The following THSD7B variants were observed in gnomAD, a reference collection of about 807,000 sequenced individuals.
THSD7B encodes thrombospondin type-1 domain-containing protein 7B.
In THSD7B, 138 loss-of-function variants were observed where a neutral mutation model predicts 213.6. The ratio of observed to expected loss-of-function variants is 0.65; its 90% CI spans 0.56 to 0.74. The LOEUF is 0.74. THSD7B is among the 30% of genes least tolerant of loss of function. The pLI is 0.00. For synonymous variants in THSD7B, 742 were observed against 687.0 expected, an observed-to-expected ratio of 1.08 and a Z score of -1.25; for missense variants, 1,931 against 1,991.5, an observed-to-expected ratio of 0.97 and a Z score of 0.58.
intron 15 of THSD7B, among the ~76,000 whole-genome samples, chr2:137,533,488 C>G (rs748008134): frequency 6.6e-6 from 1 of 151,832 alleles, no homozygotes. Flanking sequence ...TGACATTTAG[C>G]AAGAAGGTAG....
chr2:137,478,787 G>C (rs765061808), intron 15 of THSD7B, among the ~76,000 whole-genome samples: 8 of 152,236 alleles, frequency 5.3e-5, no homozygotes, highest in African/African-American at 7.2e-5. Flanking sequence ...TTGATCCTGG[G>C]TGCATAGTAT....
intron 12 of THSD7B, among the ~76,000 whole-genome samples, chr2:137,357,411 GTTTT>G (rs570522669): frequency 6.6e-6 from 1 of 151,528 alleles, no homozygotes; most frequent in Admixed American, 6.6e-5. Flanking sequence ...GAGCTTTAGA[GTTTT>G]TTTGTTTGTT....
intron 2 of THSD7B, among the ~76,000 whole-genome samples, chr2:136,954,740 T>TAAAAG (rs773677139): frequency 8.0e-5 from 11 of 137,478 alleles, no homozygotes; most frequent in African/African-American, 3.1e-4. Context: ...AAAAAGAAAT[T>TAAAAG]ACATAAGAGC....
rs531657133 is a variant in THSD7B, at chr2:137,242,378, G to A, written c.2151-79G>A. On this transcript the variant is annotated intron_variant, in intron 9 of 27. Transcript: ENST00000409968. The stretch of plus-strand genomic sequence containing the variant: ...GGAACATGAGGCCCTTAATATTTTC[G>A]GTTCTAAAATCCTATAGTTCTGCGT... The A allele has an allele frequency of 8.6e-5, 93 of 1,080,316 alleles. No individual in the cohort carries two copies. The East Asian group carries it at 1.5e-3, about 18-fold the overall frequency. The allele number at this position is 1,080,316 out of a possible 1,614,324, so 66.9% of individuals were successfully genotyped here. A position where few individuals can be genotyped will look rare whatever the true frequency, so the allele number is the denominator to read the frequency against.
At chr2:137,445,294 TA>T (rs1687514653) in intron 14 of THSD7B, among the ~76,000 whole-genome samples, 1 of 152,046 alleles carries the variant, frequency 6.6e-6, no homozygotes, top group East Asian at 1.9e-4. Flanking sequence ...TATATCAAAG[TA>T]TCAGCACTGC....
At chr2:137,390,072 T>C (rs1385381284) in intron 12 of THSD7B, among the ~76,000 whole-genome samples, 4 of 152,198 alleles carry the variant, frequency 2.6e-5, no homozygotes, top group Admixed American at 6.5e-5. Flanking sequence ...TTACCCTTTC[T>C]ATTTCTGTGA....
chr2:136,816,903 A>G (rs1421487005), intron 1 of THSD7B, among the ~76,000 whole-genome samples: 1 of 152,210 alleles, frequency 6.6e-6, no homozygotes, highest in East Asian at 1.9e-4. Flanking sequence ...TGTGTTAAGA[A>G]AACAGTCATT....
chr2:137,270,468 T>C (rs921933618), intron 10 of THSD7B, among the ~76,000 whole-genome samples: 1 of 152,118 alleles, frequency 6.6e-6, no homozygotes, highest in Non-Finnish European at 1.5e-5. Flanking sequence ...TTCAAAATGA[T>C]AGGAAAGGAA....
intron 14 of THSD7B, among the ~76,000 whole-genome samples, chr2:137,434,942 T>C (rs556317491): frequency 6.6e-6 from 1 of 152,372 alleles, no homozygotes; most frequent in African/African-American, 2.4e-5. Flanking sequence ...AGGCTCATTA[T>C]AGTTCATTGC....
intron 15 of THSD7B, among the ~76,000 whole-genome samples, chr2:137,556,370 A>G (rs1680967464): frequency 1.3e-5 from 2 of 152,170 alleles, no homozygotes; most frequent in African/African-American, 2.4e-5. Context: ...AAGCCAAAAG[A>G]GAGTGGGGGC....
intron 16 of THSD7B, among the ~76,000 whole-genome samples, chr2:137,564,327 C>T (rs550878673): frequency 6.6e-6 from 1 of 152,134 alleles, no homozygotes; most frequent in African/African-American, 2.4e-5. Flanking sequence ...CTATTTATGA[C>T]AGTCTCAATG....
At chr2:137,010,251 G>A (rs1429015844) in intron 2 of THSD7B, among the ~76,000 whole-genome samples, 1 of 152,188 alleles carries the variant, frequency 6.6e-6, no homozygotes, top group African/African-American at 2.4e-5. Context: ...TTGGCACAGT[G>A]AAGATAAGGC....
intron 7 of THSD7B, among the ~76,000 whole-genome samples, chr2:137,185,772 G>A (rs543318368): frequency 6.6e-6 from 1 of 152,188 alleles, no homozygotes; most frequent in African/African-American, 2.4e-5. Context: ...GAGATTGCAG[G>A]GTTGAATTGT....
At chr2:136,783,134 C>A (rs1194986174) in intron 1 of THSD7B, among the ~76,000 whole-genome samples, 1 of 152,156 alleles carries the variant, frequency 6.6e-6, no homozygotes, top group South Asian at 2.1e-4. Context: ...ATGTTTGTAA[C>A]CTCATCATCC....
At position 137,618,402 on chromosome 2, in the gene THSD7B, A is replaced by G. The variant is rs17692792; in HGVS notation, c.3576A>G (p.Thr1192=). 5.0e-6 allele frequency: 8 copies of G among 1,613,462 alleles called. No individual in the cohort carries two copies. In the African/African-American group the frequency reaches 9.3e-5, roughly 19 times the overall value. ...QFQYNLTEWS[T]CQLSENAPCG... ...ATCCTATGCCTGTAGAGTGGAGCAC[A>G]TGCCAGCTGAGTGAAAACGCACCCT... The change falls in exon 19 of 28, where the codon ACA becomes ACG. Residue 1192 remains threonine, a synonymous_variant. Transcript: ENST00000409968.
At position 137,175,474 on chromosome 2, in the gene THSD7B, T is replaced by C. The variant is rs189186854; in HGVS notation, c.1723+4536T>C. 1.6e-3 allele frequency among the ~76,000 whole-genome samples: 237 copies of C among 152,332 alleles called. 2 individuals are homozygous for C. Among genetic ancestry groups the C allele is most frequent in the Non-Finnish European group, 2.4e-3 (162 of 68,024 alleles). On this transcript the variant is annotated intron_variant, in intron 7 of 27. Coordinates refer to ENST00000409968, the MANE Select transcript of THSD7B (RefSeq NM_001316349.2). Reference sequence around the variant, plus strand: ...CTCCCTTGCATACAAGGTTTTTTTATTTTCACAGTTGCACTATGCATTTTC... The same window carrying C: ...CTCCCTTGCATACAAGGTTTTTTTACTTTCACAGTTGCACTATGCATTTTC...
chr2:137,581,465 G>A (rs917954792), intron 17 of THSD7B, among the ~76,000 whole-genome samples: 6 of 151,998 alleles, frequency 3.9e-5, no homozygotes, highest in African/African-American at 1.4e-4. Context: ...GCACATGCCT[G>A]TAATCCCAGG....
intron 7 of THSD7B, among the ~76,000 whole-genome samples, chr2:137,196,912 C>T (rs181345908): frequency 2.8e-4 from 42 of 152,204 alleles, no homozygotes; most frequent in African/African-American, 8.7e-4. Flanking sequence ...CAAAGATCAG[C>T]GGTAATAGGG....
At chr2:137,115,367 T>C in intron 5 of THSD7B, 74 bp downstream of exon 5, 1 of 1,386,982 alleles carries the variant, frequency 7.2e-7, no homozygotes, top group Non-Finnish European at 9.4e-7. Flanking sequence ...CCAAGTATTC[T>C]TCTTGAAATA....
Sources: allele counts gnomAD v4.1 joint callset (sites outside exome capture counted in the v4.1 genomes callset), GRCh38; gene constraint gnomAD v4.1.1; transcripts MANE v1.5; gene names NCBI Gene and HGNC (gene_info 2026-07-23, HGNC 2026-07-21).